Variants in TSPAN18 observed in about 807,000 individuals in gnomAD.
TSPAN18 encodes tetraspanin-18.
Under a neutral mutation model 27.3 loss-of-function variants are expected in TSPAN18, and 14 were observed. The observed-to-expected ratio is 0.51, with a 90% CI of 0.34 to 0.80. The LOEUF (loss-of-function observed/expected upper bound fraction) is 0.80, where lower values mean the gene tolerates loss of function less well. Ranked by LOEUF, TSPAN18 falls within the 30% of genes least tolerant of loss-of-function variation. The pLI, the probability that TSPAN18 is intolerant of heterozygous loss-of-function variation, is 0.01. For missense variants in TSPAN18, 268 were observed against 323.9 expected, an observed-to-expected ratio of 0.83 and a Z score of 1.32; for synonymous variants, 143 against 136.5, an observed-to-expected ratio of 1.05 and a Z score of -0.33.
chr11:44,929,381 C>T lies in TSPAN18; in HGVS notation c.*203C>T. 2 of 656,126 alleles carry T rather than the reference C, an allele frequency of 3.0e-6. No homozygotes were observed. The highest frequency in any genetic ancestry group is 5.6e-5 in the East Asian group (2 of 35,708). 40.6% of individuals were successfully genotyped at this position (656,126 alleles called of 1,614,324 possible). ...AAAAATATGGACTGATGTATCCTCG[C>T]CTGGACTCAGGGCAGGTGCCGTGGG... On this transcript the variant is annotated 3_prime_UTR_variant, in exon 10 of 10. Coordinates refer to ENST00000520358, the MANE Select transcript of TSPAN18 (RefSeq NM_130783.5).
intron 3 of TSPAN18, among the ~76,000 whole-genome samples, chr11:44,896,524 G>C (rs1454600120): frequency 6.6e-6 from 1 of 152,100 alleles, no homozygotes; most frequent in Admixed American, 6.5e-5. Flanking sequence ...GGCAGTTGAA[G>C]GGCCTGTCAC....
chr11:44,762,529 G>A (rs1225599600), intron 1 of TSPAN18, among the ~76,000 whole-genome samples: 8 of 152,138 alleles, frequency 5.3e-5, no homozygotes, highest in Admixed American at 1.3e-4. Flanking sequence ...TGGCTGGTAA[G>A]GAAGCACATG....
intron 2 of TSPAN18, among the ~76,000 whole-genome samples, chr11:44,770,107 G>A (rs1318800261): frequency 1.3e-5 from 2 of 152,202 alleles, no homozygotes; most frequent in Non-Finnish European, 1.5e-5. Flanking sequence ...CATGTACCTG[G>A]CACTGCTCTA....
In TSPAN18 at chr11:44,813,214, C is replaced by T. The variant is rs12417066; in HGVS notation, c.-152-47114C>T. 0.053 allele frequency among the ~76,000 whole-genome samples: 8,048 copies of T among 152,268 alleles called. 1,452 individuals carry two copies. In the East Asian group the frequency reaches 0.62, roughly 12 times the overall value. On this transcript the variant is annotated intron_variant, in intron 2 of 9. Coordinates refer to ENST00000520358, the MANE Select transcript of TSPAN18 (RefSeq NM_130783.5). ...AGAGATGACCCTGAGCAGGGGAAGA[C>T]CATCTGCATGCCCTGTGCGCAGGAA...
intron 3 of TSPAN18, among the ~76,000 whole-genome samples, chr11:44,870,730 G>A (rs949987488): frequency 6.6e-6 from 1 of 152,124 alleles, no homozygotes; most frequent in Non-Finnish European, 1.5e-5. Flanking sequence ...GTCACACAGA[G>A]GATGGCTGGA....
intron 1 of TSPAN18, among the ~76,000 whole-genome samples, chr11:44,732,305 A>G (rs1337980845): frequency 6.6e-6 from 1 of 152,198 alleles, no homozygotes; most frequent in Non-Finnish European, 1.5e-5. Flanking sequence ...CAGGTGCTTG[A>G]CAATACTTCA....
At chr11:44,733,631 G>T (rs1272047268) in intron 1 of TSPAN18, among the ~76,000 whole-genome samples, 1 of 152,176 alleles carries the variant, frequency 6.6e-6, no homozygotes, top group Non-Finnish European at 1.5e-5. Flanking sequence ...AGGGGAGGTT[G>T]CAGGAACTAT....
At chr11:44,805,886 T>C (rs957905823) in intron 2 of TSPAN18, among the ~76,000 whole-genome samples, 9 of 152,028 alleles carry the variant, frequency 5.9e-5, no homozygotes, top group Admixed American at 5.2e-4. Flanking sequence ...CTCTGCCTCC[T>C]CTCCTCTTAA....
intron 2 of TSPAN18, among the ~76,000 whole-genome samples, chr11:44,851,235 C>T (rs1202609372): frequency 6.6e-6 from 1 of 152,180 alleles, no homozygotes; most frequent in Non-Finnish European, 1.5e-5. Context: ...TGGGGACTGG[C>T]CGGCTCTGAG....
intron 1 of TSPAN18, among the ~76,000 whole-genome samples, chr11:44,733,132 C>T (rs780115384): frequency 2.0e-5 from 3 of 152,320 alleles, no homozygotes; most frequent in African/African-American, 4.8e-5. Flanking sequence ...CCCAAACCAG[C>T]CCCCAGGGAG....
intron 1 of TSPAN18, among the ~76,000 whole-genome samples, chr11:44,763,331 G>A (rs1339763315): frequency 6.6e-6 from 1 of 151,384 alleles, no homozygotes; most frequent in African/African-American, 2.5e-5. Context: ...CTTGGGACTG[G>A]CCTGTCTCTG....
At chr11:44,731,170 C>A (rs1272539396) in intron 1 of TSPAN18, among the ~76,000 whole-genome samples, 2 of 152,294 alleles carry the variant, frequency 1.3e-5, no homozygotes, top group East Asian at 3.9e-4. Context: ...CTGAACTAGG[C>A]ATTAGGAGAC....
chr11:44,743,180 G>A (rs1430596433), intron 1 of TSPAN18, among the ~76,000 whole-genome samples: 2 of 152,148 alleles, frequency 1.3e-5, no homozygotes, highest in East Asian at 3.9e-4. Flanking sequence ...GATGCATCTG[G>A]GCACATACGA....
chr11:44,894,869 G>A (rs1379129003), intron 3 of TSPAN18, among the ~76,000 whole-genome samples: 1 of 152,218 alleles, frequency 6.6e-6, no homozygotes, highest in Non-Finnish European at 1.5e-5. Context: ...CCTGTCTCTG[G>A]TGCCACACCC....
chr11:44,897,863 G>A (rs1462575185), intron 3 of TSPAN18: 18 of 1,289,194 alleles, frequency 1.4e-5, no homozygotes, highest in African/African-American at 1.1e-4. Flanking sequence ...CCTTCTCAGT[G>A]TACCTCTGCC....
At chr11:44,818,395 G>C (rs559356122) in intron 2 of TSPAN18, among the ~76,000 whole-genome samples, 2 of 152,348 alleles carry the variant, frequency 1.3e-5, no homozygotes, top group Non-Finnish European at 2.9e-5. Flanking sequence ...GGGCCAGAGG[G>C]CCAGAGGATT....
chr11:44,914,421 A>G (rs1590682901), intron 5 of TSPAN18, among the ~76,000 whole-genome samples: 1 of 152,172 alleles, frequency 6.6e-6, no homozygotes, highest in Admixed American at 6.5e-5. Flanking sequence ...GGATAATCAT[A>G]CTTCCTTCCC....
intron 2 of TSPAN18, among the ~76,000 whole-genome samples, chr11:44,768,892 A>ATT (rs60616294): frequency 3.0e-5 from 3 of 101,244 alleles, no homozygotes; most frequent in African/African-American, 1.1e-4. Flanking sequence ...ATACTATTTG[A>ATT]TTTTTTTTTT....
chr11:44,913,260 T>G (rs1859790277), intron 5 of TSPAN18, among the ~76,000 whole-genome samples: 1 of 152,248 alleles, frequency 6.6e-6, no homozygotes, highest in Non-Finnish European at 1.5e-5. Flanking sequence ...GAGATGGGGC[T>G]GACTGTCCCC....
Sources: allele counts gnomAD v4.1 joint callset (sites outside exome capture counted in the v4.1 genomes callset), GRCh38; gene constraint gnomAD v4.1.1; transcripts MANE v1.5; gene names NCBI Gene and HGNC (gene_info 2026-07-23, HGNC 2026-07-21).